ASNSD1: variants seen among roughly 807,000 people sequenced by gnomAD.
ASNSD1 encodes asparagine synthetase domain containing 1.
Under a neutral mutation model 48.3 loss-of-function variants are expected in ASNSD1, and 36 were observed. The observed-to-expected ratio is 0.75, with a 90% CI of 0.57 to 0.99. The LOEUF is 0.99. ASNSD1 is among the 50% of genes least tolerant of loss of function. The pLI is 0.00. For missense variants in ASNSD1, 714 were observed against 758.2 expected (o/e 0.94, Z 0.69); for synonymous variants, 257 against 262.1 (o/e 0.98, Z 0.19).
intron 5 of ASNSD1, among the ~76,000 whole-genome samples, chr2:189,669,014 A>G (rs538366721): frequency 6.6e-6 from 1 of 152,312 alleles, no homozygotes; most frequent in Non-Finnish European, 1.5e-5. Context: ...AAGAATAGGA[A>G]GTCCAAGTAA....
At position 189,670,766 on chromosome 2, in the gene ASNSD1, A is replaced by G. The variant is rs1559036552; in HGVS notation, c.*40A>G. On this transcript the variant is annotated 3_prime_UTR_variant, in exon 6 of 6. Coordinates refer to ENST00000260952, the MANE Select transcript of ASNSD1 (RefSeq NM_019048.4). ...TAACAATATAAAAATAAGTTTTTATATAATTATATAAAAGTAAGATACTCT... is the reference window on the plus strand; with the variant it reads ...TAACAATATAAAAATAAGTTTTTATGTAATTATATAAAAGTAAGATACTCT... The G allele has an allele frequency of 3.1e-6, 4 of 1,300,064 alleles. No homozygotes were observed. Among genetic ancestry groups the G allele is most frequent in the South Asian group, 2.0e-5 (1 of 50,008 alleles). The allele number at this position is 1,300,064 out of a possible 1,614,324, so 80.5% of individuals were successfully genotyped here.
rs373323365 is a variant in ASNSD1 at position 189,661,497 on chromosome 2, C to T, written c.-336C>T. The stretch of plus-strand genomic sequence containing the variant: ...TAGGCTCCTTCAGGGCTGAGCCATC[C>T]CGCGTGTCTTGCGCTCGGTGGAAAT... On this transcript the variant is annotated 5_prime_UTR_variant, in exon 1 of 6. Coordinates refer to ENST00000260952, the MANE Select transcript of ASNSD1 (RefSeq NM_019048.4). 4 of 399,164 alleles carry T rather than the reference C, an allele frequency of 1.0e-5. No homozygotes were observed. Among genetic ancestry groups the T allele is most frequent in the Non-Finnish European group, 1.8e-5 (4 of 226,272 alleles). 24.7% of individuals were successfully genotyped at this position (399,164 alleles called of 1,614,324 possible). A position where few individuals can be genotyped will look rare whatever the true frequency, so the allele number is the denominator to read the frequency against.
At chr2:189,663,036 G>T (rs2032704276) in intron 1 of ASNSD1, among the ~76,000 whole-genome samples, 1 of 151,290 alleles carries the variant, frequency 6.6e-6, no homozygotes, top group South Asian at 2.1e-4. Flanking sequence ...TACCAAGATG[G>T]AACATGATAG....
At chr2:189,669,828 C>A (rs1339327456) in intron 5 of ASNSD1, among the ~76,000 whole-genome samples, 1 of 151,888 alleles carries the variant, frequency 6.6e-6, no homozygotes, top group South Asian at 2.1e-4. Flanking sequence ...ATATTTTGTT[C>A]TGTTACAGTA....
rs2032763507 is a variant in ASNSD1, at chr2:189,665,454, A to G, written c.-93+3A>G. ...AGAAATGCTGTCTGAGAGCAAGAGT[A>G]AGTTTTTTCTTTTTTGGGGTTTTTG... is the stretch of plus-strand genomic sequence containing the variant. On this transcript the variant is annotated splice_donor_region_variant and intron_variant, in intron 3 of 5. Coordinates refer to ENST00000260952, the MANE Select transcript of ASNSD1 (RefSeq NM_019048.4). The G allele has an allele frequency of 1.8e-5, 7 of 397,704 alleles. No individual in the cohort carries two copies. The South Asian group carries it at 8.9e-4, about 51-fold the overall frequency. The allele number at this position is 397,704 out of a possible 1,614,324, so 24.6% of individuals were successfully genotyped here.
chr2:189,665,259 A>G (rs1377409468), intron 2 of ASNSD1, 117 bp from the exon 3 acceptor site: 2 of 369,858 alleles, frequency 5.4e-6, no homozygotes, highest in African/African-American at 4.2e-5. Context: ...GCTTGTCTGT[A>G]TTTGCTAAAG....
Position 189,667,348 on chromosome 2 carries a change from C to G in ASNSD1, c.1216C>G (p.Arg406Gly). ...TAATAAACATGTCAGTGTACCAGAT[C>G]GAATCACAGGAAGGGCGGGACTAAA... ...SPNKHVSVPD[R>G]ITGRAGLKEL... The change falls in exon 4 of 6, where the codon CGA becomes GGA. Residue 406 changes from arginine (R) to glycine (G), a missense_variant. Arg to Gly is a moderately radical substitution (Grantham distance 125). Coordinates refer to ENST00000260952, the MANE Select transcript of ASNSD1 (RefSeq NM_019048.4). The G allele has an allele frequency of 6.2e-7, 1 of 1,614,074 alleles. No homozygotes were observed. The highest frequency in any genetic ancestry group is 8.5e-7 in the Non-Finnish European group (1 of 1,180,016).
Position 189,667,333 on chromosome 2 carries a change from G to T in ASNSD1, c.1201G>T (p.Val401Phe), listed in dbSNP as rs139656772. The change falls in exon 4 of 6, where the codon GTC becomes TTC. Residue 401 changes from valine (V) to phenylalanine (F), a missense_variant. Coordinates refer to ENST00000260952, the MANE Select transcript of ASNSD1 (RefSeq NM_019048.4). ...AAAADSPNKH[V>F]SVPDRITGRA... The stretch of plus-strand genomic sequence containing the variant: ...TGCTGCTGACAGTCCTAATAAACAT[G>T]TCAGTGTACCAGATCGAATCACAGG... 1.7e-4 allele frequency: 282 copies of T among 1,614,160 alleles called. No homozygotes were observed. The African/African-American group carries it at 3.0e-3, about 17-fold the overall frequency.
In ASNSD1 at chr2:189,667,493, C is replaced by T; in HGVS notation, c.1361C>T (p.Thr454Ile). 1 of 1,614,132 alleles carries T rather than the reference C, an allele frequency of 6.2e-7. No individual in the cohort carries two copies. The highest frequency in any genetic ancestry group is 8.5e-7 in the Non-Finnish European group (1 of 1,180,028). Residue 454 changes from threonine (T) to isoleucine (I), a missense_variant, in exon 4 of 6, where the codon ACA (threonine) becomes ATA (isoleucine). Physicochemically the swap from Thr to Ile is moderately conservative, Grantham distance 89. Transcript: ENST00000260952. ...RICHLIRPLD[T>I]VLDDSIGCAV... Reference sequence around the variant, plus strand: ...TGTCACTTAATTCGGCCATTGGATACAGTTTTGGATGATAGCATTGGCTGT... The same window carrying T: ...TGTCACTTAATTCGGCCATTGGATATAGTTTTGGATGATAGCATTGGCTGT...
chr2:189,668,291 G>A (rs544638892), intron 5 of ASNSD1, among the ~76,000 whole-genome samples: 164 of 152,278 alleles, frequency 1.1e-3, no homozygotes, highest in Non-Finnish European at 2.0e-3. Context: ...AAGGCGGGTG[G>A]ATCACCTGAG....
Position 189,670,657 on chromosome 2 carries a change from T to G in ASNSD1, c.1863T>G (p.Ser621=), listed in dbSNP as rs772936178. The change falls in exon 6 of 6, where the codon TCT becomes TCG. Residue 621 remains serine (S), a synonymous_variant. Coordinates refer to ENST00000260952, the MANE Select transcript of ASNSD1 (RefSeq NM_019048.4). ...AKMEKINEKA[S]DKCGRLQIMS... ...TGGAAAAAATTAATGAAAAGGCATC[T>G]GATAAATGTGGACGGCTCCAAATCA... The G allele has an allele frequency of 6.2e-7, 1 of 1,613,796 alleles. No homozygotes were observed. The highest frequency in any genetic ancestry group is 8.5e-7 in the Non-Finnish European group (1 of 1,179,836).
intron 1 of ASNSD1, among the ~76,000 whole-genome samples, chr2:189,662,634 G>A (rs2032693729): frequency 6.6e-6 from 1 of 152,194 alleles, no homozygotes; most frequent in Non-Finnish European, 1.5e-5. Context: ...ACGCATACTG[G>A]TGGTTACAGA....
At chr2:189,664,084 T>A (rs2032733379) in intron 2 of ASNSD1, 130 bp downstream of exon 2, 4 of 328,756 alleles carry the variant, frequency 1.2e-5, no homozygotes, top group Admixed American at 5.0e-5. Flanking sequence ...CAGCATCTTT[T>A]AAAATTGCAA....
chr2:189,669,995 A>C (rs34250747), intron 5 of ASNSD1, among the ~76,000 whole-genome samples: 5,131 of 152,254 alleles, frequency 0.034, 104 homozygotes, highest in South Asian at 0.069. Context: ...GATCAGACAC[A>C]GATTGAATAG....
At chr2:189,664,230 A>T (rs998126825) in intron 2 of ASNSD1, among the ~76,000 whole-genome samples, 1 of 152,186 alleles carries the variant, frequency 6.6e-6, no homozygotes, top group African/African-American at 2.4e-5. Context: ...ATCACTAATG[A>T]TGTTTTATAC....
chr2:189,662,965 A>G (rs2032702560), intron 1 of ASNSD1, among the ~76,000 whole-genome samples: 1 of 151,182 alleles, frequency 6.6e-6, no homozygotes, highest in Admixed American at 6.6e-5. Flanking sequence ...AAAAAAAAAA[A>G]AAAAGCCCAG....
In ASNSD1 at chr2:189,666,096, C is replaced by A; in HGVS notation, c.-37C>A. 2.7e-6 allele frequency: 4 copies of A among 1,485,446 alleles called. No homozygotes were observed. The highest frequency in any genetic ancestry group is 3.6e-6 in the Non-Finnish European group (4 of 1,120,280). 92.0% of individuals were successfully genotyped at this position (1,485,446 alleles called of 1,614,324 possible). ...AAGAAATAGAAAACTTAGACAAGAC[C>A]AAAATCAAGAAATAGTCAACCTGAT... On this transcript the variant is annotated 5_prime_UTR_variant, in exon 4 of 6. Coordinates refer to ENST00000260952, the MANE Select transcript of ASNSD1 (RefSeq NM_019048.4).
rs190248754 is a variant in ASNSD1 at position 189,669,051 on chromosome 2, C to T, written c.1646+1106C>T. Reference sequence around the variant, plus strand: ...CTTCATGAGAATTAAACATACTACACTTTCTCTCCCTCTCTCTCTCTCTCT... The same window carrying T: ...CTTCATGAGAATTAAACATACTACATTTTCTCTCCCTCTCTCTCTCTCTCT... On this transcript the variant is annotated intron_variant, in intron 5 of 5. Coordinates refer to ENST00000260952, the MANE Select transcript of ASNSD1 (RefSeq NM_019048.4). Among the ~76,000 whole-genome samples the T allele has an allele frequency of 3.9e-5, 6 of 152,228 alleles. No individual in the cohort carries two copies. The East Asian group carries it at 1.2e-3, about 29-fold the overall frequency.
Position 189,667,026 on chromosome 2 carries a change from C to G in ASNSD1, c.894C>G (p.Val298=). 6.2e-7 allele frequency: 1 copy of G among 1,614,046 alleles called. No individual in the cohort carries two copies. Among genetic ancestry groups the G allele is most frequent in the Non-Finnish European group, 8.5e-7 (1 of 1,179,974 alleles). The part of the protein sequence containing the change: ...DVLSVAVKKR[V]LCLPRDENLT... ...TGAGTGTAGCAGTCAAGAAACGTGT[C>G]TTGTGTTTACCTAGGGATGAAAACC... Residue 298 remains valine (V), a synonymous_variant, in exon 4 of 6, where the codon GTC becomes GTG. Coordinates refer to ENST00000260952, the MANE Select transcript of ASNSD1 (RefSeq NM_019048.4).
Sources: gnomAD v4.1 joint callset for allele counts (sites outside exome capture counted in the v4.1 genomes callset) on GRCh38, gnomAD v4.1.1 for gene constraint, MANE v1.5 for transcripts, NCBI Gene and HGNC (gene_info 2026-07-23, HGNC 2026-07-21) for gene names.